Variants in PTPRD observed in about 807,000 individuals in gnomAD.
PTPRD encodes receptor-type tyrosine-protein phosphatase delta.
Under a neutral mutation model 214.5 loss-of-function variants are expected in PTPRD, and 34 were observed. The ratio of observed to expected loss-of-function variants is 0.16; its 90% CI spans 0.12 to 0.21. PTPRD has a LOEUF of 0.21. PTPRD is among the 10% of genes least tolerant of loss of function. The probability of loss-of-function intolerance (pLI) is 1.00; values close to 1 mark genes in which losing one functional copy is unlikely to be tolerated. For synonymous variants in PTPRD, 1,128 were observed against 845.7 expected (o/e 1.33, Z -5.79); for missense variants, 2,545 against 2,398.7 (o/e 1.06, Z -1.27).
chr9:9,302,986 T>G (rs1022259032), intron 9 of PTPRD, among the ~76,000 whole-genome samples: 5 of 151,988 alleles, frequency 3.3e-5, no homozygotes, highest in Admixed American at 2.6e-4. Context: ...TCTATGCTAT[T>G]CAAGGGCATG....
intron 11 of PTPRD, among the ~76,000 whole-genome samples, chr9:8,830,133 C>T (rs1197506154): frequency 3.9e-5 from 6 of 152,080 alleles, no homozygotes; most frequent in Admixed American, 3.9e-4. Flanking sequence ...AGCATAGGTA[C>T]TGTTATTATG....
At chr9:9,831,724 C>T (rs1039607382) in intron 5 of PTPRD, among the ~76,000 whole-genome samples, 5 of 151,960 alleles carry the variant, frequency 3.3e-5, no homozygotes, top group Non-Finnish European at 5.9e-5. Flanking sequence ...TGCGTAATTT[C>T]CCTAATTTAT....
At chr9:10,407,678 T>C (rs761216769) in intron 2 of PTPRD, among the ~76,000 whole-genome samples, 9 of 151,542 alleles carry the variant, frequency 5.9e-5, no homozygotes, top group Admixed American at 1.3e-4. Flanking sequence ...AGGGTTTCTA[T>C]ATCAGTATGT....
intron 2 of PTPRD, among the ~76,000 whole-genome samples, chr9:10,582,154 G>C (rs560102623): frequency 1.3e-5 from 2 of 152,232 alleles, no homozygotes; most frequent in Non-Finnish European, 1.5e-5. Context: ...CCAAATATTA[G>C]AGTTAGAATA....
chr9:9,270,497 G>C (rs1284356165), intron 9 of PTPRD, among the ~76,000 whole-genome samples: 1 of 151,260 alleles, frequency 6.6e-6, no homozygotes. Flanking sequence ...GAAGGGCTTA[G>C]AACAGTCAAG....
intron 4 of PTPRD, among the ~76,000 whole-genome samples, chr9:9,960,259 G>A (rs528274979): frequency 6.6e-6 from 1 of 151,184 alleles, no homozygotes; most frequent in Non-Finnish European, 1.5e-5. Context: ...AGGAGCCCAG[G>A]AGCAACTGGG....
chr9:8,566,359 G>A (rs936260777), intron 14 of PTPRD, among the ~76,000 whole-genome samples: 1 of 152,110 alleles, frequency 6.6e-6, no homozygotes, highest in African/African-American at 2.4e-5. Context: ...ATGTTCCTAA[G>A]TAACAGACAG....
At chr9:8,785,930 T>C (rs2095932954) in intron 11 of PTPRD, among the ~76,000 whole-genome samples, 1 of 152,212 alleles carries the variant, frequency 6.6e-6, no homozygotes, top group African/African-American at 2.4e-5. Flanking sequence ...CAAAATCTTT[T>C]TCCTTTATAA....
chr9:10,449,271 C>G (rs1397161550), intron 2 of PTPRD, among the ~76,000 whole-genome samples: 3 of 152,006 alleles, frequency 2.0e-5, no homozygotes, highest in East Asian at 1.9e-4. Flanking sequence ...CAGCTCCTGA[C>G]GGCGAGTGAT....
chr9:9,524,446 A>C (rs747064984), intron 8 of PTPRD, among the ~76,000 whole-genome samples: 5 of 152,182 alleles, frequency 3.3e-5, no homozygotes, highest in Non-Finnish European at 7.3e-5. Flanking sequence ...CTTAATACTA[A>C]TAATGCAAAT....
At chr9:9,301,497 G>T (rs957678888) in intron 9 of PTPRD, among the ~76,000 whole-genome samples, 8 of 103,338 alleles carry the variant, frequency 7.7e-5, no homozygotes, top group Non-Finnish European at 1.2e-4. Flanking sequence ...CGTTACCTTG[G>T]GAAATTTTGT....
At chr9:9,778,145 G>A (rs1178860659) in intron 5 of PTPRD, among the ~76,000 whole-genome samples, 2 of 152,164 alleles carry the variant, frequency 1.3e-5, no homozygotes, top group African/African-American at 4.8e-5. Flanking sequence ...ACAAAAAGCT[G>A]TGGTGGATGG....
Position 8,426,033 on chromosome 9 carries a change from A to G in PTPRD, c.4086+10559T>C, listed in dbSNP as rs1196008917. On this transcript the variant is annotated intron_variant, in intron 35 of 45. Transcript: ENST00000381196. Reference sequence around the variant, plus strand: ...TTGCTTTCATAGAGCTCCTTTTTGGAAGAATGAGAAGAGAATGTTATAGAA... The same window carrying G: ...TTGCTTTCATAGAGCTCCTTTTTGGGAGAATGAGAAGAGAATGTTATAGAA... 3.9e-5 allele frequency among the ~76,000 whole-genome samples: 6 copies of G among 152,096 alleles called. No homozygotes were observed. In the East Asian group the frequency reaches 1.2e-3, roughly 29 times the overall value.
At chr9:9,212,096 C>T (rs1441645583) in intron 9 of PTPRD, among the ~76,000 whole-genome samples, 2 of 152,024 alleles carry the variant, frequency 1.3e-5, no homozygotes, top group African/African-American at 2.4e-5. Context: ...ATAATTATTT[C>T]AGTGTTTTGT....
At chr9:10,496,842 G>C (rs1350137602) in intron 2 of PTPRD, among the ~76,000 whole-genome samples, 1 of 151,968 alleles carries the variant, frequency 6.6e-6, no homozygotes, top group Admixed American at 6.6e-5. Flanking sequence ...GTTCCCTATA[G>C]ATTCTGGATA....
chr9:8,770,787 C>G (rs1015769309), intron 11 of PTPRD, among the ~76,000 whole-genome samples: 1 of 151,384 alleles, frequency 6.6e-6, no homozygotes, highest in African/African-American at 2.5e-5. Context: ...AATATTCAAA[C>G]TCAATTGAAA....
chr9:9,014,086 G>A (rs1054096745), intron 11 of PTPRD, among the ~76,000 whole-genome samples: 1 of 151,686 alleles, frequency 6.6e-6, no homozygotes, highest in Non-Finnish European at 1.5e-5. Flanking sequence ...TAAGTAAATC[G>A]TAAGCTCTAT....
intron 7 of PTPRD, among the ~76,000 whole-genome samples, chr9:9,590,282 C>T (rs943159595): frequency 6.6e-6 from 1 of 151,988 alleles, no homozygotes; most frequent in Admixed American, 6.6e-5. Context: ...GAGCTCCTCA[C>T]AGGCAGCAAT....
intron 11 of PTPRD, among the ~76,000 whole-genome samples, chr9:8,795,588 T>C (rs898432015): frequency 7.2e-5 from 11 of 152,130 alleles, no homozygotes; most frequent in African/African-American, 1.4e-4. Context: ...ATGAAAACTT[T>C]TGGGTTGTGG....
Sources: gnomAD v4.1 joint callset for allele counts (sites outside exome capture counted in the v4.1 genomes callset) on GRCh38, gnomAD v4.1.1 for gene constraint, MANE v1.5 for transcripts, NCBI Gene and HGNC (gene_info 2026-07-23, HGNC 2026-07-21) for gene names.